KIF18A: variants seen among roughly 807,000 people sequenced by gnomAD.
The protein encoded by KIF18A is kinesin-like protein KIF18A.
A neutral mutation model predicts 103.3 loss-of-function variants in KIF18A; 67 were observed. The ratio of observed to expected loss-of-function variants is 0.65; its 90% CI spans 0.53 to 0.79. KIF18A has a LOEUF of 0.79. KIF18A is among the 30% of genes least tolerant of loss of function. The pLI, the probability that KIF18A is intolerant of heterozygous loss-of-function variation, is 0.00. For missense variants in KIF18A, 1,032 were observed against 1,062.5 expected (o/e 0.97, Z 0.40); for synonymous variants, 367 against 355.5 (o/e 1.03, Z -0.36).
intron 2 of KIF18A, among the ~76,000 whole-genome samples, chr11:28,096,561 TAAG>T (rs1473661824): frequency 6.6e-6 from 1 of 152,158 alleles, no homozygotes; most frequent in East Asian, 1.9e-4. Context: ...TTCTTAGAGT[TAAG>T]AAGATTTCAA....
intron 13 of KIF18A, among the ~76,000 whole-genome samples, chr11:28,050,121 A>T (rs1850693353): frequency 6.6e-6 from 1 of 151,632 alleles, no homozygotes; most frequent in Non-Finnish European, 1.5e-5. Flanking sequence ...ACCTTTTGAT[A>T]TTTTTTCTGT....
chr11:28,106,619 G>A (rs573322324), intron 1 of KIF18A, among the ~76,000 whole-genome samples: 4 of 151,264 alleles, frequency 2.6e-5, no homozygotes, highest in Admixed American at 2.0e-4. Context: ...TTTCTATGAT[G>A]GGACAAGATG....
chr11:28,059,545 C>T (rs1045085929), intron 12 of KIF18A, among the ~76,000 whole-genome samples: 3 of 152,124 alleles, frequency 2.0e-5, no homozygotes, highest in African/African-American at 7.2e-5. Context: ...GATCCTCCCA[C>T]CTTAGGCTCC....
chr11:28,106,919 A>G lies in KIF18A; in HGVS notation c.-47+1145T>C, dbSNP rs111729374. On this transcript the variant is annotated intron_variant, in intron 1 of 16. Coordinates refer to ENST00000263181, the MANE Select transcript of KIF18A (RefSeq NM_031217.4). ...CTGGGAGGTGGAGGTTGCAGTGAGC[A>G]GCGATCACGTCACTGCACTCCAGCT... 6.6e-4 allele frequency among the ~76,000 whole-genome samples: 101 copies of G among 152,294 alleles called. 1 individual carries two copies. The highest frequency in any genetic ancestry group is 2.3e-3 in the African/African-American group (96 of 41,552).
At chr11:28,090,822 A>T in intron 4 of KIF18A, 95 bp from the exon 5 acceptor site, 1 of 661,594 alleles carries the variant, frequency 1.5e-6, no homozygotes, top group Non-Finnish European at 2.7e-6. Flanking sequence ...TTTAAAGGTA[A>T]AAGAAAATGT....
chr11:28,065,239 G>A (rs1197466024), intron 11 of KIF18A, among the ~76,000 whole-genome samples: 1 of 151,978 alleles, frequency 6.6e-6, no homozygotes, highest in Non-Finnish European at 1.5e-5. Context: ...CCTTGGATAA[G>A]TCCCTTTATC....
At chr11:28,029,794 C>A (rs1850371428) in intron 15 of KIF18A, among the ~76,000 whole-genome samples, 1 of 131,484 alleles carries the variant, frequency 7.6e-6, no homozygotes, top group East Asian at 2.1e-4. Context: ...TCGTCTCAGC[C>A]CAAAATCTCC....
intron 13 of KIF18A, among the ~76,000 whole-genome samples, chr11:28,053,831 A>T (rs968830006): frequency 9.2e-5 from 14 of 151,848 alleles, no homozygotes; most frequent in African/African-American, 3.4e-4. Context: ...GGCACATGGT[A>T]CTCATAGTAT....
At position 28,030,769 on chromosome 11, in the gene KIF18A, C is replaced by T. The variant is rs879415540; in HGVS notation, c.2504+4618G>A. Among the ~76,000 whole-genome samples the T allele has an allele frequency of 1.5e-3, 218 of 147,736 alleles. 1 individual carries two copies. Among genetic ancestry groups the T allele is most frequent in the Middle Eastern group, 6.9e-3 (2 of 290 alleles). On this transcript the variant is annotated intron_variant, in intron 15 of 16. Transcript: ENST00000263181. ...AACCTACAGAATGGGAGAAAATTTT[C>T]GCAACCTACTCATCTGACAAAGGGC... is the stretch of plus-strand genomic sequence containing the variant.
chr11:28,034,850 A>G lies in KIF18A; in HGVS notation c.2504+537T>C, dbSNP rs1238555914. On this transcript the variant is annotated intron_variant, in intron 15 of 16. Transcript: ENST00000263181. ...TCTCAGGCTCTCCATCCTGGCTATC[A>G]TGGTTGTTCTCCATTGCCTTCAAGC... 2.0e-5 allele frequency among the ~76,000 whole-genome samples: 3 copies of G among 151,694 alleles called. No individual in the cohort carries two copies. The Admixed American group carries it at 2.0e-4, about 10-fold the overall frequency.
chr11:28,103,674 T>C (rs1321011888), intron 1 of KIF18A, among the ~76,000 whole-genome samples: 1 of 151,940 alleles, frequency 6.6e-6, no homozygotes, highest in Non-Finnish European at 1.5e-5. Context: ...AATGAATGAA[T>C]TAATAAACTA....
At chr11:28,061,243 T>G (rs1429809044) in intron 12 of KIF18A, among the ~76,000 whole-genome samples, 2 of 152,214 alleles carry the variant, frequency 1.3e-5, no homozygotes, top group African/African-American at 4.8e-5. Context: ...TAATCTATTT[T>G]TATATAAGAA....
chr11:28,038,061 A>G (rs1393885455), intron 13 of KIF18A, among the ~76,000 whole-genome samples: 2 of 151,046 alleles, frequency 1.3e-5, no homozygotes, highest in Non-Finnish European at 3.0e-5. Context: ...TGTCTTTTTT[A>G]TGCTTATAGT....
rs1157875028 is a variant in KIF18A, at chr11:28,082,981, A to T, written c.1150-13T>A. ...TTAACAATAAAATCTAGTAGAGAGA[A>T]ATCACTAGTTAAAATACAAAAGAAG... On this transcript the variant is annotated splice_polypyrimidine_tract_variant and intron_variant, in intron 8 of 16. Coordinates refer to ENST00000263181, the MANE Select transcript of KIF18A (RefSeq NM_031217.4). 1 of 1,518,048 alleles carries T rather than the reference A, an allele frequency of 6.6e-7. No individual in the cohort carries two copies. Among genetic ancestry groups the T allele is most frequent in the African/African-American group, 1.4e-5 (1 of 71,632 alleles). The allele number at this position is 1,518,048 out of a possible 1,614,324, so 94.0% of individuals were successfully genotyped here.
rs1450170197 is a variant in KIF18A at position 28,069,255 on chromosome 11, G to A, written c.1590+4C>T. 9.3e-6 allele frequency: 15 copies of A among 1,608,748 alleles called. No individual in the cohort carries two copies. The highest frequency in any genetic ancestry group is 6.7e-5 in the Admixed American group (4 of 59,894). ...TAAATCTGAACATACAGAGATATTT[G>A]TACCTTTGGAATATGACCGTTTTGA... On this transcript the variant is annotated splice_donor_region_variant and intron_variant, in intron 11 of 16. Coordinates refer to ENST00000263181, the MANE Select transcript of KIF18A (RefSeq NM_031217.4).
chr11:28,079,283 CTAATAGA>C (rs1207975704), intron 9 of KIF18A, among the ~76,000 whole-genome samples: 1 of 151,974 alleles, frequency 6.6e-6, no homozygotes, highest in Admixed American at 6.6e-5. Flanking sequence ...CTGGAGAATT[CTAATAGA>C]TATCCAATTA....
intron 9 of KIF18A, among the ~76,000 whole-genome samples, chr11:28,079,308 A>C (rs1254343857): frequency 2.0e-5 from 3 of 147,176 alleles, no homozygotes; most frequent in African/African-American, 7.6e-5. Context: ...TTACATGAGG[A>C]CCGCTCCCAC....
chr11:28,087,054 C>G (rs962127380), intron 6 of KIF18A, among the ~76,000 whole-genome samples: 1 of 151,610 alleles, frequency 6.6e-6, no homozygotes. Context: ...GTTTAACAAG[C>G]CAAAGCTTTT....
chr11:28,078,170 GGTAAAAACACTGCCAATTTACGTCA>G (rs1851120051), intron 9 of KIF18A, among the ~76,000 whole-genome samples: 1 of 151,898 alleles, frequency 6.6e-6, no homozygotes, highest in Non-Finnish European at 1.5e-5. Context: ...AAGGATCAGC[GGTAAAAACACTGCCAATTTACGTCA>G]GTAGCTCTTA....
Sources: gnomAD v4.1 joint callset for allele counts (sites outside exome capture counted in the v4.1 genomes callset) on GRCh38, gnomAD v4.1.1 for gene constraint, MANE v1.5 for transcripts, NCBI Gene and HGNC (gene_info 2026-07-23, HGNC 2026-07-21) for gene names.